EXOC7: variants seen among roughly 807,000 people sequenced by gnomAD.
EXOC7 encodes the protein exocyst complex component 7.
EXOC7 carries 51 observed loss-of-function variants against 87.6 expected under a neutral mutation model. That is an observed-to-expected ratio of 0.58 (90% CI 0.46 to 0.73). The LOEUF is 0.73. Among genes scored for constraint, EXOC7 ranks in the 30% least tolerant of loss-of-function variants. The probability of loss-of-function intolerance (pLI) is 0.00; values close to 1 mark genes in which losing one functional copy is unlikely to be tolerated. For synonymous variants in EXOC7, 327 were observed against 357.1 expected (o/e 0.92, Z 0.95); for missense variants, 744 against 888.4 (o/e 0.84, Z 2.07).
chr17:76,091,146 C>T lies in EXOC7; in HGVS notation c.898G>A (p.Glu300Lys). ...KKGGSNLIPL[E>K]GRDDMLDVET... The stretch of plus-strand genomic sequence containing the variant: ...GAGGGGAACACAGGGTGATTACCTT[C>T]CAGAGGAATGAGGTTAGAGCCCCCC... Residue 300 changes from glutamate to lysine, a missense_variant, in exon 7 of 19, where the codon GAA becomes AAA. Coordinates refer to ENST00000589210, the MANE Select transcript of EXOC7 (RefSeq NM_001013839.4). 6.2e-7 allele frequency: 1 copy of T among 1,613,482 alleles called. No individual in the cohort carries two copies. Among genetic ancestry groups the T allele is most frequent in the Non-Finnish European group, 8.5e-7 (1 of 1,179,408 alleles).
rs150033041 is a variant in EXOC7, at chr17:76,086,301, C to G, written c.1430-156G>C. Among the ~76,000 whole-genome samples, 9 of 152,346 alleles carry G rather than the reference C, an allele frequency of 5.9e-5. No homozygotes were observed. In the East Asian group the frequency reaches 1.7e-3, roughly 29 times the overall value. ...CTGCTAAGCCACAGGGTGGCCCCTG[C>G]CGCAGGAAGCACCAGCCCTGGAGTT... is the stretch of plus-strand genomic sequence containing the variant. On this transcript the variant is annotated intron_variant, in intron 12 of 18. Transcript: ENST00000589210.
In EXOC7 at chr17:76,081,549, G is replaced by A. The variant is rs758791520; in HGVS notation, c.*2099C>T. On this transcript the variant is annotated 3_prime_UTR_variant, in exon 19 of 19. Coordinates refer to ENST00000589210, the MANE Select transcript of EXOC7 (RefSeq NM_001013839.4). The stretch of plus-strand genomic sequence containing the variant: ...CCCTGACTTTTCCCCTTCCAGCTGA[G>A]GCTGAAGAACACGGCGCTCAAGTCC... 8.7e-6 allele frequency: 14 copies of A among 1,613,336 alleles called. No individual in the cohort carries two copies. The highest frequency in any genetic ancestry group is 1.3e-5 in the African/African-American group (1 of 74,934).
intron 6 of EXOC7, 38 bp downstream of exon 6, chr17:76,094,376 T>A (rs1376416223): frequency 3.8e-6 from 6 of 1,595,330 alleles, no homozygotes; most frequent in Middle Eastern, 1.9e-4. Context: ...CCAGTCAGCC[T>A]CTGGCTGTTG....
Position 76,103,658 on chromosome 17 carries a change from C to T in EXOC7, c.35G>A (p.Arg12Gln). 6.2e-7 allele frequency: 1 copy of T among 1,613,378 alleles called. No individual in the cohort carries two copies. The change falls in exon 1 of 19, where the codon CGG (arginine) becomes CAG (glutamine). Residue 12 changes from arginine to glutamine, a missense_variant. This residue lies in a region of EXOC7 where 512 missense variants were observed against 573.0 expected (regional missense o/e 0.89). Coordinates refer to ENST00000589210, the MANE Select transcript of EXOC7 (RefSeq NM_001013839.4). ...CTGCTTCAGCTTGTCCTCAATCTCC[C>T]GCCGTCGAGCGGATGCCTCCTGTGG... ...IPPQEASARR[R>Q]EIEDKLKQEE... is the part of the protein sequence containing the mutation.
chr17:76,100,604 G>C (rs911788266), intron 4 of EXOC7, among the ~76,000 whole-genome samples: 2 of 150,738 alleles, frequency 1.3e-5, no homozygotes, highest in Non-Finnish European at 2.9e-5. Flanking sequence ...TTGCACTCCA[G>C]CTTGGGAAAC....
intron 2 of EXOC7, among the ~76,000 whole-genome samples, chr17:76,102,776 T>C (rs1255163747): frequency 6.6e-6 from 1 of 152,216 alleles, no homozygotes; most frequent in African/African-American, 2.4e-5. Context: ...CCAGGCACTG[T>C]GCAAGATGCA....
chr17:76,097,703 CAAAAAAAAAAAAAAAAA>C lies in EXOC7; in HGVS notation c.640+76_640+92del, dbSNP rs57781252. The C allele has an allele frequency of 8.2e-5, 26 of 318,314 alleles. No individual in the cohort carries two copies. In the African/African-American group the frequency reaches 1.2e-3, roughly 15 times the overall value. The allele number at this position is 318,314 out of a possible 1,614,324, so 19.7% of individuals were successfully genotyped here. ...TGGGCAACAGAGCAAGACTCCATCTCAAAAAAAAAAAAAAAAAAAAAAAAAAAAGAACAAAGGGGAGA... is the reference window on the plus strand; with the variant it reads ...TGGGCAACAGAGCAAGACTCCATCTCAAAAAAAAAAAGAACAAAGGGGAGA... On this transcript the variant is annotated intron_variant, in intron 5 of 18. Coordinates refer to ENST00000589210, the MANE Select transcript of EXOC7 (RefSeq NM_001013839.4).
Position 76,081,511 on chromosome 17 carries a change from C to T in EXOC7, c.*2137G>A, listed in dbSNP as rs771704797. The stretch of plus-strand genomic sequence containing the variant: ...GCCCCCGATGCCCACCTCCTTCCCC[C>T]CCGCCGGGAAGGCCCTGACTTTTCC... On this transcript the variant is annotated 3_prime_UTR_variant, in exon 19 of 19. Transcript: ENST00000589210. 3.0e-5 allele frequency: 49 copies of T among 1,610,936 alleles called. No individual in the cohort carries two copies. In the African/African-American group the frequency reaches 4.7e-4, roughly 15 times the overall value.
At chr17:76,101,496 C>T in intron 3 of EXOC7, 120 bp from the exon 4 acceptor site, 2 of 1,439,642 alleles carry the variant, frequency 1.4e-6, no homozygotes, top group Admixed American at 2.3e-5. Context: ...TATTCTATCC[C>T]CCCACTGCCT....
At chr17:76,100,724 G>A (rs2068017820) in intron 4 of EXOC7, among the ~76,000 whole-genome samples, 1 of 152,296 alleles carries the variant, frequency 6.6e-6, no homozygotes, top group East Asian at 1.9e-4. Flanking sequence ...TGGGTGCAAT[G>A]GCTCACGCCT....
chr17:76,086,179 A>T, intron 12 of EXOC7, 34 bp from the exon 13 acceptor site: 2 of 1,605,328 alleles, frequency 1.2e-6, no homozygotes, highest in Admixed American at 3.4e-5. Flanking sequence ...TTGCAGTGGC[A>T]GCAGCCAAGA....
chr17:76,088,430 G>A (rs765472943), intron 10 of EXOC7, 34 bp downstream of exon 10: 21 of 1,591,228 alleles, frequency 1.3e-5, no homozygotes, highest in East Asian at 6.7e-5. Flanking sequence ...GTGCTGGGCC[G>A]GGAGGGAGGG....
rs2067042474 is a variant in EXOC7 at position 76,082,863 on chromosome 17, T to G, written c.*785A>C. The G allele has an allele frequency of 2.3e-6, 1 of 434,022 alleles. No homozygotes were observed. The highest frequency in any genetic ancestry group is 3.9e-6 in the Non-Finnish European group (1 of 256,206). The allele number at this position is 434,022 out of a possible 1,614,324, so 26.9% of individuals were successfully genotyped here. On this transcript the variant is annotated 3_prime_UTR_variant, in exon 19 of 19. Coordinates refer to ENST00000589210, the MANE Select transcript of EXOC7 (RefSeq NM_001013839.4). ...CCTAAATAGGTGGGGCCCTATTTTT[T>G]GCTTCCAACCCCCATTTTGCTCCTT... is the stretch of plus-strand genomic sequence containing the variant.
At chr17:76,098,785 G>A (rs1054923306) in intron 4 of EXOC7, among the ~76,000 whole-genome samples, 1 of 150,306 alleles carries the variant, frequency 6.7e-6, no homozygotes, top group Admixed American at 6.7e-5. Context: ...AGAAAGGTGT[G>A]AACCCAGGAG....
chr17:76,091,564 G>A, intron 6 of EXOC7: 1 of 261,556 alleles, frequency 3.8e-6, no homozygotes, highest in South Asian at 4.8e-5. Flanking sequence ...ACAGGCGAGG[G>A]CTCAGGTCGG....
intron 9 of EXOC7, 48 bp from the exon 10 acceptor site, chr17:76,088,610 A>G: frequency 1.9e-6 from 3 of 1,601,426 alleles, no homozygotes; most frequent in Non-Finnish European, 2.6e-6. Context: ...TCGCTCTGTG[A>G]GCATCTCACT....
At chr17:76,099,439 G>A (rs1022081087) in intron 4 of EXOC7, among the ~76,000 whole-genome samples, 11 of 152,118 alleles carry the variant, frequency 7.2e-5, no homozygotes, top group Non-Finnish European at 1.5e-5. Flanking sequence ...CCCAGGAGGT[G>A]GAGGTTGCAG....
At chr17:76,100,259 A>G (rs536127271) in intron 4 of EXOC7, among the ~76,000 whole-genome samples, 2 of 152,160 alleles carry the variant, frequency 1.3e-5, no homozygotes, top group Admixed American at 6.6e-5. Context: ...GAAGATGAAC[A>G]TATTTGTGGA....
chr17:76,088,832 G>T lies in EXOC7; in HGVS notation c.1139C>A (p.Thr380Asn). The T allele has an allele frequency of 6.2e-7, 1 of 1,613,886 alleles. No homozygotes were observed. Among genetic ancestry groups the T allele is most frequent in the Non-Finnish European group, 8.5e-7 (1 of 1,180,036 alleles). ...GAGGTGTCGCAGGATGGGGAAGACG[G>T]TGAGCACCGTGGAGAAGTCGTGTCG... ...IVRHDFSTVLTVFPILRHLKQ... is the reference protein window; with the variant it reads ...IVRHDFSTVLNVFPILRHLKQ... Residue 380 changes from threonine (T) to asparagine (N), a missense_variant, in exon 9 of 19, where the codon ACC becomes AAC. By Grantham distance (65) the Thr-to-Asn change is moderately conservative. Around this residue, in one of 3 missense-constraint regions of EXOC7, gnomAD observed 512 missense variants for 573.0 expected, o/e 0.89. Transcript: ENST00000589210.
Sources: allele counts gnomAD v4.1 joint callset (sites outside exome capture counted in the v4.1 genomes callset), GRCh38; gene constraint gnomAD v4.1.1; regional missense constraint gnomAD v4.1.1; transcripts MANE v1.5; gene names NCBI Gene and HGNC (gene_info 2026-07-23, HGNC 2026-07-21).